The following CCDC187 variants were observed in gnomAD, a reference collection of about 807,000 sequenced individuals.
CCDC187 encodes coiled-coil domain containing 187.
In CCDC187, 32 loss-of-function variants were observed where a neutral mutation model predicts 38.0. That is an observed-to-expected ratio of 0.84 (90% CI 0.64 to 1.13). The LOEUF (loss-of-function observed/expected upper bound fraction) is 1.13. Among genes scored for constraint, CCDC187 ranks in the 50% most tolerant of loss-of-function variants. The probability of loss-of-function intolerance (pLI) is 0.00; values close to 1 mark genes in which losing one functional copy is unlikely to be tolerated. For missense variants in CCDC187, 707 were observed against 786.8 expected (o/e 0.90, Z 1.21); for synonymous variants, 333 against 347.9 (o/e 0.96, Z 0.48).
intron 14 of CCDC187, among the ~76,000 whole-genome samples, chr9:136,274,225 C>A (rs1482359292): frequency 6.6e-6 from 1 of 152,244 alleles, no homozygotes; most frequent in East Asian, 1.9e-4. Context: ...GAGCTGAGAC[C>A]CTCTGTCCCG....
rs1831323774 is a variant in CCDC187, at chr9:136,291,352, T to G, written c.1261A>C (p.Ser421Arg). ...GCCCAGGGACTCTTAGAGAAGGAGCTCTGGGCATTGGGGTCCCTGCAGCAG... is the reference window on the plus strand; with the variant it reads ...GCCCAGGGACTCTTAGAGAAGGAGCGCTGGGCATTGGGGTCCCTGCAGCAG... ...RGCCRDPNAQ[S>R]SFSKSPWAMT... is the part of the protein sequence containing the mutation. The change falls in exon 6 of 26, where the codon AGC becomes CGC. Residue 421 changes from serine (S) to arginine (R), a missense_variant. Transcript: ENST00000638797. 1 of 398,884 alleles carries G rather than the reference T, an allele frequency of 2.5e-6. No homozygotes were observed. Among genetic ancestry groups the G allele is most frequent in the Non-Finnish European group, 4.4e-6 (1 of 226,280 alleles). 24.7% of individuals were successfully genotyped at this position (398,884 alleles called of 1,614,324 possible). A position where few individuals can be genotyped will look rare whatever the true frequency, so the allele number is the denominator to read the frequency against.
At chr9:136,293,469 ATG>A (rs1831427661) in intron 4 of CCDC187, among the ~76,000 whole-genome samples, 3 of 146,750 alleles carry the variant, frequency 2.0e-5, no homozygotes, top group African/African-American at 2.6e-5. Flanking sequence ...TCACACTCAC[ATG>A]CTCACACACT....
intron 9 of CCDC187, among the ~76,000 whole-genome samples, chr9:136,282,175 C>T (rs1257791489): frequency 6.6e-6 from 1 of 152,236 alleles, no homozygotes; most frequent in Non-Finnish European, 1.5e-5. Flanking sequence ...CACGCATCAG[C>T]TGTGACCCTC....
intron 4 of CCDC187, among the ~76,000 whole-genome samples, chr9:136,293,061 G>C (rs1831374885): frequency 1.3e-5 from 2 of 152,236 alleles, no homozygotes; most frequent in African/African-American, 4.8e-5. Flanking sequence ...GCCGGAGGTA[G>C]GGCCAGCCCT....
intron 25 of CCDC187, 30 bp from the exon 26 acceptor site, chr9:136,255,164 C>G (rs1266228131): frequency 4.1e-5 from 40 of 972,138 alleles, no homozygotes; most frequent in Admixed American, 6.2e-5. Flanking sequence ...ACAGTGGTCA[C>G]CCTCTGCACC....
rs1024790160 is a variant in CCDC187 at position 136,267,365 on chromosome 9, G to C, written c.3647+19C>G. The C allele has an allele frequency of 4.1e-6, 4 of 985,318 alleles. No individual in the cohort carries two copies. The African/African-American group carries it at 7.0e-5, about 17-fold the overall frequency. The allele number at this position is 985,318 out of a possible 1,614,324, so 61.0% of individuals were successfully genotyped here. The stretch of plus-strand genomic sequence containing the variant: ...GGGGCTACGGCGGGGCGGGGCCGGC[G>C]CCAGGCGCATGCGCTCACCCTCGTC... On this transcript the variant is annotated intron_variant, in intron 16 of 25. Coordinates refer to ENST00000638797, the MANE Select transcript of CCDC187 (RefSeq NM_001378188.1).
chr9:136,255,613 G>A, intron 25 of CCDC187, 44 bp downstream of exon 25: 1 of 901,646 alleles, frequency 1.1e-6, no homozygotes, highest in Non-Finnish European at 1.3e-6. Context: ...GACCCTTAGT[G>A]GGGACTCGAT....
intron 7 of CCDC187, among the ~76,000 whole-genome samples, chr9:136,289,327 G>A (rs1831254313): frequency 6.6e-6 from 1 of 152,006 alleles, no homozygotes; most frequent in Non-Finnish European, 1.5e-5. Context: ...AGACTAGCCT[G>A]GCCAATGTGG....
At chr9:136,299,862 G>C (rs1831631994) in intron 3 of CCDC187, among the ~76,000 whole-genome samples, 1 of 152,126 alleles carries the variant, frequency 6.6e-6, no homozygotes, top group South Asian at 2.1e-4. Context: ...GGACCTGGAG[G>C]GCCCCAGACC....
At position 136,254,506 on chromosome 9, in the gene CCDC187, A is replaced by G; in HGVS notation, c.5322T>C (p.Cys1774=). The G allele has an allele frequency of 1.0e-6, 1 of 985,442 alleles. No homozygotes were observed. The highest frequency in any genetic ancestry group is 1.2e-6 in the Non-Finnish European group (1 of 829,958). 61.0% of individuals were successfully genotyped at this position (985,442 alleles called of 1,614,324 possible). A position where few individuals can be genotyped will look rare whatever the true frequency, so the allele number is the denominator to read the frequency against. ...EDCEEDLPEP[C]TGAKPASGSS... ...TCCCCGAGGCTGGCTTGGCCCCGGT[A>G]CAGGGTTCTGGCAGGTCCTCCTCGC... Residue 1774 remains cysteine, a synonymous_variant, in exon 26 of 26, where the codon TGT becomes TGC. Coordinates refer to ENST00000638797, the MANE Select transcript of CCDC187 (RefSeq NM_001378188.1).
intron 18 of CCDC187, among the ~76,000 whole-genome samples, chr9:136,263,234 GC>G (rs1298575831): frequency 8.0e-6 from 1 of 125,104 alleles, no homozygotes. Context: ...GGGGCCACAG[GC>G]TTTTTTTTTT....
At chr9:136,292,872 C>T (rs956997578) in intron 4 of CCDC187, among the ~76,000 whole-genome samples, 3 of 152,322 alleles carry the variant, frequency 2.0e-5, no homozygotes, top group South Asian at 2.1e-4. Flanking sequence ...CAGGGAGTCC[C>T]GGGCATCGCT....
intron 10 of CCDC187, 88 bp downstream of exon 10, chr9:136,281,463 C>T (rs895896657): frequency 1.3e-5 from 5 of 398,316 alleles, no homozygotes; most frequent in East Asian, 7.1e-5. Context: ...GGGCCAAGCT[C>T]GAGTGCTAGG....
At position 136,250,515 on chromosome 9, in the gene CCDC187, C is replaced by T. The variant is rs1554759151; in HGVS notation, c.*3079G>A. The stretch of plus-strand genomic sequence containing the variant: ...AGATACATAATTCCTCTCACACGGC[C>T]TCATAAATCCAAAAGGGTCAGCAAT... On this transcript the variant is annotated 3_prime_UTR_variant, in exon 26 of 26. Coordinates refer to ENST00000638797, the MANE Select transcript of CCDC187 (RefSeq NM_001378188.1). The T allele has an allele frequency of 2.9e-6, 1 of 346,396 alleles. No individual in the cohort carries two copies. The highest frequency in any genetic ancestry group is 5.7e-6 in the Non-Finnish European group (1 of 174,484). 21.5% of individuals were successfully genotyped at this position (346,396 alleles called of 1,614,324 possible).
rs1243050689 is a variant in CCDC187, at chr9:136,290,489, G to A, written c.2124C>T (p.Ser708=). The A allele has an allele frequency of 8.6e-5, 34 of 396,782 alleles. No individual in the cohort carries two copies. Among genetic ancestry groups the A allele is most frequent in the East Asian group, 2.9e-4 (8 of 27,774 alleles). 24.6% of individuals were successfully genotyped at this position (396,782 alleles called of 1,614,324 possible). A position where few individuals can be genotyped will look rare whatever the true frequency, so the allele number is the denominator to read the frequency against. The change falls in exon 6 of 26, where the codon TCC becomes TCT. Residue 708 remains serine (S), a synonymous_variant. Coordinates refer to ENST00000638797, the MANE Select transcript of CCDC187 (RefSeq NM_001378188.1). The stretch of plus-strand genomic sequence containing the variant: ...CCAACCCAACCCCAGCATGTACCCC[G>A]GACTGTGCAGAACTGGGGACAAAGG... ...IVTFVPSSAQ[S]GGLEASGSLE...
chr9:136,287,726 C>A (rs1198020001), intron 7 of CCDC187, among the ~76,000 whole-genome samples: 6 of 152,168 alleles, frequency 3.9e-5, no homozygotes, highest in African/African-American at 9.7e-5. Context: ...ACAAGCATGG[C>A]GTGTTCCTGC....
At chr9:136,267,363 G>A in intron 16 of CCDC187, 21 bp downstream of exon 16, 1 of 984,470 alleles carries the variant, frequency 1.0e-6, no homozygotes, top group Non-Finnish European at 1.2e-6. Context: ...GGCGGGGCCG[G>A]CGCCAGGCGC....
chr9:136,265,350 A>T (rs954484256), intron 17 of CCDC187, among the ~76,000 whole-genome samples: 1 of 152,160 alleles, frequency 6.6e-6, no homozygotes, highest in Non-Finnish European at 1.5e-5. Context: ...GCAGGAAGGC[A>T]GGTGCAGCCA....
rs1037366989 is a variant in CCDC187 at position 136,302,118 on chromosome 9, G to T, written c.625+694C>A. Among the ~76,000 whole-genome samples the T allele has an allele frequency of 6.9e-3, 1,051 of 152,172 alleles. 8 individuals are homozygous for T. Among genetic ancestry groups the T allele is most frequent in the African/African-American group, 0.024 (1,007 of 41,542 alleles). ...CCAGCTACTCGGGAGGCTGAGGCAGGAGAATCGCTTGAACCCGCAATGAGA... is the reference window on the plus strand; with the variant it reads ...CCAGCTACTCGGGAGGCTGAGGCAGTAGAATCGCTTGAACCCGCAATGAGA... On this transcript the variant is annotated intron_variant, in intron 2 of 25. Coordinates refer to ENST00000638797, the MANE Select transcript of CCDC187 (RefSeq NM_001378188.1).
Sources: allele counts gnomAD v4.1 joint callset (sites outside exome capture counted in the v4.1 genomes callset), GRCh38; gene constraint gnomAD v4.1.1; transcripts MANE v1.5; gene names NCBI Gene and HGNC (gene_info 2026-07-23, HGNC 2026-07-21).